MPHOSPH6: variants seen among roughly 807,000 people sequenced by gnomAD.
The protein encoded by MPHOSPH6 is M-phase phosphoprotein 6.
MPHOSPH6 carries 25 observed loss-of-function variants against 21.8 expected under a neutral mutation model. The observed-to-expected ratio is 1.15, with a 90% CI of 0.83 to 1.60. The LOEUF (loss-of-function observed/expected upper bound fraction) is 1.60, where lower values mean the gene tolerates loss of function less well. Among genes scored for constraint, MPHOSPH6 ranks in the 40% most tolerant of loss-of-function variants. MPHOSPH6 has a pLI of 0.00. For synonymous variants in MPHOSPH6, 84 were observed against 56.5 expected, an observed-to-expected ratio of 1.49 and a Z score of -2.18; for missense variants, 269 against 181.8, an observed-to-expected ratio of 1.48 and a Z score of -2.76.
At chr16:82,149,571 T>C (rs1370173127) in intron 3 of MPHOSPH6, among the ~76,000 whole-genome samples, 168 bp from the exon 4 acceptor site, 4 of 152,216 alleles carry the variant, frequency 2.6e-5, no homozygotes, top group African/African-American at 9.7e-5. Context: ...GTAAGAGAAG[T>C]AAGCTCTGAG....
chr16:82,168,145 T>C (rs964858077), intron 1 of MPHOSPH6, among the ~76,000 whole-genome samples: 36 of 152,334 alleles, frequency 2.4e-4, no homozygotes, highest in Admixed American at 4.6e-4. Flanking sequence ...TTAATTTCTT[T>C]CTTCTTAGTT....
At position 82,155,439 on chromosome 16, in the gene MPHOSPH6, G is replaced by T. The variant is rs185679947; in HGVS notation, c.165-3925C>A. 3.0e-3 allele frequency among the ~76,000 whole-genome samples: 464 copies of T among 152,246 alleles called. 3 individuals are homozygous for T. Among genetic ancestry groups the T allele is most frequent in the African/African-American group, 0.011 (442 of 41,516 alleles). ...GAATCCACAAAAAAACTACTTGTCA[G>T]TGAGTCAATTTAGCATTACAGAATA... is the stretch of plus-strand genomic sequence containing the variant. On this transcript the variant is annotated intron_variant, in intron 2 of 4. Transcript: ENST00000258169.
chr16:82,148,634 A>T lies in MPHOSPH6; in HGVS notation c.*97T>A. On this transcript the variant is annotated 3_prime_UTR_variant, in exon 5 of 5. Transcript: ENST00000258169. ...GATAATCTCTTTACAAGTAAACGTT[A>T]CAGTATTAATAACTATAGAGACACC... 7.3e-7 allele frequency: 1 copy of T among 1,378,618 alleles called. No individual in the cohort carries two copies. The highest frequency in any genetic ancestry group is 9.8e-7 in the Non-Finnish European group (1 of 1,022,736). The allele number at this position is 1,378,618 out of a possible 1,614,324, so 85.4% of individuals were successfully genotyped here. A position where few individuals can be genotyped will look rare whatever the true frequency, so the allele number is the denominator to read the frequency against.
chr16:82,170,073 G>A (rs1567618041), intron 1 of MPHOSPH6, 52 bp downstream of exon 1: 10 of 1,553,298 alleles, frequency 6.4e-6, no homozygotes, highest in South Asian at 5.9e-5. Context: ...GGCCAGGTTG[G>A]AAGGACCGGG....
At chr16:82,158,243 G>C (rs113716554) in intron 2 of MPHOSPH6, among the ~76,000 whole-genome samples, 17,839 of 151,640 alleles carry the variant, frequency 0.12, 1,285 homozygotes, top group East Asian at 0.29. Flanking sequence ...AATCCCAGCA[G>C]TTTGGGAGGC....
rs1207886424 is a variant in MPHOSPH6, at chr16:82,170,117, C to T, written c.51+8G>A. ...CCGCCCGGAGTGGCGCTCTCAGCGT[C>T]CCCGCACCTTCATGCGCAGTAGATT... On this transcript the variant is annotated splice_region_variant and intron_variant, in intron 1 of 4. Coordinates refer to ENST00000258169, the MANE Select transcript of MPHOSPH6 (RefSeq NM_005792.2). 16 of 1,590,216 alleles carry T rather than the reference C, an allele frequency of 1.0e-5. No individual in the cohort carries two copies. The highest frequency in any genetic ancestry group is 1.2e-5 in the Non-Finnish European group (14 of 1,168,692).
intron 2 of MPHOSPH6, among the ~76,000 whole-genome samples, chr16:82,159,559 C>G (rs1906541502): frequency 6.6e-6 from 1 of 152,104 alleles, no homozygotes; most frequent in Non-Finnish European, 1.5e-5. Context: ...CACACGCCAT[C>G]ATGCCTGGCT....
At chr16:82,157,038 G>A (rs868101719) in intron 2 of MPHOSPH6, among the ~76,000 whole-genome samples, 79 of 151,908 alleles carry the variant, frequency 5.2e-4, no homozygotes, top group Admixed American at 1.3e-3. Context: ...GCAACAGAGC[G>A]AGACTCCATT....
chr16:82,158,513 A>G (rs1396880158), intron 2 of MPHOSPH6, among the ~76,000 whole-genome samples: 3 of 151,574 alleles, frequency 2.0e-5, no homozygotes, highest in African/African-American at 4.8e-5. Flanking sequence ...AAAAAAAAAA[A>G]AAAAAAAAAA....
Position 82,163,914 on chromosome 16 carries a change from CATGTACAACTTCT to C in MPHOSPH6, c.164+155_164+167del, listed in dbSNP as rs1433278696. 3.7e-5 allele frequency: 20 copies of C among 538,826 alleles called. No homozygotes were observed. The East Asian group carries it at 6.3e-4, about 17-fold the overall frequency. The allele number at this position is 538,826 out of a possible 1,614,324, so 33.4% of individuals were successfully genotyped here. A position where few individuals can be genotyped will look rare whatever the true frequency, so the allele number is the denominator to read the frequency against. On this transcript the variant is annotated intron_variant, in intron 2 of 4. Transcript: ENST00000258169. The stretch of plus-strand genomic sequence containing the variant: ...GGGGAGTAGTAAAAATGTATAAATC[CATGTACAACTTCT>C]ATAGGTTTAATATTTTTTAGTTGTG...
At chr16:82,151,597 C>T in intron 2 of MPHOSPH6, 83 bp from the exon 3 acceptor site, 6 of 1,454,714 alleles carry the variant, frequency 4.1e-6, no homozygotes, top group Non-Finnish European at 5.5e-6. Context: ...AAAAAATAAT[C>T]AACCTATGGT....
intron 2 of MPHOSPH6, among the ~76,000 whole-genome samples, chr16:82,159,336 A>C (rs982955849): frequency 1.3e-5 from 2 of 152,210 alleles, no homozygotes; most frequent in Admixed American, 6.5e-5. Context: ...TATTTAAATA[A>C]TTTTTAAAAT....
chr16:82,151,887 T>C (rs1001795257), intron 2 of MPHOSPH6, among the ~76,000 whole-genome samples: 3 of 152,246 alleles, frequency 2.0e-5, no homozygotes, highest in Non-Finnish European at 4.4e-5. Flanking sequence ...AAGGAAATAA[T>C]ATGTATGTAA....
At chr16:82,162,118 C>A (rs565437109) in intron 2 of MPHOSPH6, 133 of 152,336 alleles carry the variant, frequency 8.7e-4, no homozygotes, top group African/African-American at 3.1e-3. Flanking sequence ...GACTGTTTTA[C>A]ATATATTACC....
intron 4 of MPHOSPH6, 26 bp from the exon 5 acceptor site, chr16:82,148,889 T>A (rs1246995185): frequency 6.2e-7 from 1 of 1,611,184 alleles, no homozygotes; most frequent in South Asian, 1.1e-5. Context: ...GCAGCACACG[T>A]TTAATTTCAA....
chr16:82,155,507 C>A (rs1906400574), intron 2 of MPHOSPH6, among the ~76,000 whole-genome samples: 1 of 152,106 alleles, frequency 6.6e-6, no homozygotes, highest in Admixed American at 6.5e-5. Flanking sequence ...ACCCCTCCAC[C>A]CCATACATAC....
chr16:82,149,549 T>C (rs1459775953), intron 3 of MPHOSPH6, 146 bp from the exon 4 acceptor site: 3 of 701,240 alleles, frequency 4.3e-6, no homozygotes, highest in Non-Finnish European at 5.0e-6. Context: ...TAATACTTGA[T>C]ACCACAATGG....
At position 82,148,861 on chromosome 16, in the gene MPHOSPH6, T is replaced by A. The variant is rs1246804563; in HGVS notation, c.353A>T (p.Tyr118Phe). Residue 118 changes from tyrosine (Y) to phenylalanine (F), a missense_variant and splice_region_variant, in exon 5 of 5, where the codon TAT becomes TTT. Physicochemically the swap from Tyr to Phe is conservative, Grantham distance 22. Transcript: ENST00000258169. ...DVSDEEMARR[Y>F]ETLVGTIGKK... ...CCCAATTGTCCCCACCAAGGTCTCA[T>A]ATCTGTCAAGAGGACAGGCAGCACA... The A allele has an allele frequency of 2.5e-6, 4 of 1,614,140 alleles. No individual in the cohort carries two copies. In the South Asian group the frequency reaches 4.4e-5, roughly 18 times the overall value.
chr16:82,158,738 C>A (rs1226474808), intron 2 of MPHOSPH6, among the ~76,000 whole-genome samples: 1 of 152,108 alleles, frequency 6.6e-6, no homozygotes, highest in Non-Finnish European at 1.5e-5. Context: ...AGCTTTCAAG[C>A]AAAAGTTAGA....
Sources: allele counts gnomAD v4.1 joint callset (sites outside exome capture counted in the v4.1 genomes callset), GRCh38; gene constraint gnomAD v4.1.1; transcripts MANE v1.5; gene names NCBI Gene and HGNC (gene_info 2026-07-23, HGNC 2026-07-21).